The following ESRRG variants were observed in gnomAD, a reference collection of about 807,000 sequenced individuals.
The protein encoded by ESRRG is estrogen-related receptor gamma.
Under a neutral mutation model 44.0 loss-of-function variants are expected in ESRRG, and 13 were observed. That is an observed-to-expected ratio of 0.30 (90% confidence interval 0.19 to 0.47). The LOEUF (loss-of-function observed/expected upper bound fraction) is 0.47, where lower values mean the gene tolerates loss of function less well. Among genes scored for constraint, ESRRG ranks in the 20% least tolerant of loss-of-function variants. The pLI, the probability that ESRRG is intolerant of heterozygous loss-of-function variation, is 1.00. For missense variants in ESRRG, 395 were observed against 580.6 expected (o/e 0.68, Z 3.29); for synonymous variants, 215 against 214.6 (o/e 1.00, Z -0.02).
chr1:217,026,870 C>T (rs541153621), intron 1 of ESRRG, among the ~76,000 whole-genome samples: 2 of 143,606 alleles, frequency 1.4e-5, no homozygotes, highest in South Asian at 2.2e-4. Context: ...CCCGACCACA[C>T]ACATATACAC....
chr1:216,720,988 G>T (rs889848503), intron 1 of ESRRG, among the ~76,000 whole-genome samples: 1 of 152,094 alleles, frequency 6.6e-6, no homozygotes, highest in Admixed American at 6.5e-5. Flanking sequence ...AGGTTGAAAG[G>T]GATTCATGTG....
chr1:216,816,391 G>T (rs899346523), intron 2 of ESRRG, among the ~76,000 whole-genome samples: 1 of 152,114 alleles, frequency 6.6e-6, no homozygotes, highest in Admixed American at 6.6e-5. Flanking sequence ...AAAACATGTT[G>T]TGCCCAATAA....
chr1:217,058,781 G>A (rs1018709070), intron 1 of ESRRG, among the ~76,000 whole-genome samples: 21 of 151,468 alleles, frequency 1.4e-4, no homozygotes, highest in Admixed American at 8.6e-4. Context: ...GAAGGAAGGC[G>A]ATCTAACTGT....
At chr1:216,757,034 G>A (rs767931503) in intron 2 of ESRRG, among the ~76,000 whole-genome samples, 1 of 151,832 alleles carries the variant, frequency 6.6e-6, no homozygotes, top group Non-Finnish European at 1.5e-5. Context: ...TCCTCATAAA[G>A]GCATTTCCAC....
At chr1:216,668,383 C>T (rs2074433112) in intron 2 of ESRRG, among the ~76,000 whole-genome samples, 1 of 152,060 alleles carries the variant, frequency 6.6e-6, no homozygotes, top group Admixed American at 6.6e-5. Flanking sequence ...GAAAATATAC[C>T]CTACAAATCA....
intron 2 of ESRRG, among the ~76,000 whole-genome samples, chr1:216,792,169 A>G (rs1388245926): frequency 6.6e-6 from 1 of 152,172 alleles, no homozygotes; most frequent in Non-Finnish European, 1.5e-5. Flanking sequence ...ATACATAATA[A>G]CAAGAAGCAT....
At position 216,519,354 on chromosome 1, in the gene ESRRG, G is replaced by T. The variant is rs774686546; in HGVS notation, c.930C>A (p.Ile310=). 2 of 1,613,556 alleles carry T rather than the reference G, an allele frequency of 1.2e-6. No individual in the cohort carries two copies. The highest frequency in any genetic ancestry group is 1.7e-6 in the Non-Finnish European group (2 of 1,179,730). The change falls in exon 6 of 7, where the codon ATC becomes ATA. Residue 310 remains isoleucine (I), a synonymous_variant. Coordinates refer to ENST00000408911, the MANE Select transcript of ESRRG (RefSeq NM_001438.4). ...AAAGAGACCGGTATACGACACCAAG[G>T]ATCAAAATTTCCATCCAAGCACTCT... ...LLQSAWMEIL[I]LGVVYRSLSF... is the part of the protein sequence containing the mutation.
chr1:217,090,274 A>C (rs4272688), upstream of ESRRG, among the ~76,000 whole-genome samples: 1 of 151,852 alleles, frequency 6.6e-6, no homozygotes, highest in Non-Finnish European at 1.5e-5. Flanking sequence ...ACCGTCACCA[A>C]TCCCCGCCTG....
In ESRRG at chr1:216,697,019, G is replaced by A. The variant is rs561145989; in HGVS notation, c.57-19528C>T. Among the ~76,000 whole-genome samples the A allele has an allele frequency of 4.6e-5, 7 of 151,504 alleles. No individual in the cohort carries two copies. The East Asian group carries it at 7.8e-4, about 17-fold the overall frequency. ...CTCACTCTGTTGCCCGGGCCAGAGT[G>A]CAGTGGCATGATCCTGGCTCACTGC... On this transcript the variant is annotated intron_variant, in intron 1 of 6. Transcript: ENST00000408911.
chr1:216,779,206 TATAAATATATATTTATATTTATAA>T (rs1470106853), intron 2 of ESRRG, among the ~76,000 whole-genome samples: 13,118 of 88,580 alleles, frequency 0.15, 1,967 homozygotes, highest in East Asian at 0.25. Context: ...TATTTATAAA[TATAAATATATATTTATATTTATAA>T]ATATAAATAT....
intron 1 of ESRRG, among the ~76,000 whole-genome samples, chr1:217,071,666 A>G (rs12402289): frequency 0.16 from 24,959 of 152,200 alleles, 2,647 homozygotes; most frequent in Non-Finnish European, 0.24. Context: ...GCCCCATCAA[A>G]TAGCTTGGAG....
chr1:216,729,708 AGG>A (rs2088321135), intron 2 of ESRRG, among the ~76,000 whole-genome samples: 1 of 152,186 alleles, frequency 6.6e-6, no homozygotes, highest in South Asian at 2.1e-4. Context: ...ACCAGAAAGA[AGG>A]GGAGAGAGAA....
Position 216,876,465 on chromosome 1 carries a change from A to G in ESRRG, c.-14+63117T>C, listed in dbSNP as rs4271275. ...GCCTGTTATAATGTCAGAAACTTCC[A>G]GTATAATTCCCATTTGTCTTAAAGA... On this transcript the variant is annotated intron_variant, in intron 2 of 7. Coordinates refer to the ESRRG transcript ENST00000359162. Among the ~76,000 whole-genome samples, 242 of 152,310 alleles carry G rather than the reference A, an allele frequency of 1.6e-3. 1 individual carries two copies. The highest frequency in any genetic ancestry group is 5.5e-3 in the African/African-American group (229 of 41,560).
At chr1:217,077,106 G>C (rs2091370915) in intron 1 of ESRRG, among the ~76,000 whole-genome samples, 1 of 152,118 alleles carries the variant, frequency 6.6e-6, no homozygotes, top group Non-Finnish European at 1.5e-5. Context: ...CTGCTCTCCT[G>C]GCTCATTTGT....
At chr1:216,904,819 G>A (rs142670386) in intron 2 of ESRRG, among the ~76,000 whole-genome samples, 179 of 152,242 alleles carry the variant, frequency 1.2e-3, no homozygotes, top group African/African-American at 4.1e-3. Flanking sequence ...TCTGGGGTTC[G>A]AAGAGGTTGC....
intron 3 of ESRRG, among the ~76,000 whole-genome samples, chr1:216,590,670 C>G (rs2149991486): frequency 6.6e-6 from 1 of 152,106 alleles, no homozygotes; most frequent in Middle Eastern, 3.4e-3. Flanking sequence ...GCCAAAAAGA[C>G]TGAGTATTAT....
rs570683509 is a variant in ESRRG at position 216,801,756 on chromosome 1, T to A, written c.-13-124265A>T. The stretch of plus-strand genomic sequence containing the variant: ...CTGTCCTCTTTGGGAAAATGTATAT[T>A]CAGGTCCTTTACCCATTCTTTTAAA... On this transcript the variant is annotated intron_variant, in intron 2 of 7. Transcript: ENST00000359162. Among the ~76,000 whole-genome samples the A allele has an allele frequency of 2.6e-5, 4 of 152,312 alleles. No individual in the cohort carries two copies. In the South Asian group the frequency reaches 8.3e-4, roughly 32 times the overall value.
rs191987438 is a variant in ESRRG, at chr1:216,780,453, A to G, written c.-13-102962T>C. On this transcript the variant is annotated intron_variant, in intron 2 of 7. Transcript: ENST00000359162. ...GATTGGAACAATTTCTCATGGAATC[A>G]TACATATTTAGATATGGAATAAGAG... Among the ~76,000 whole-genome samples, 3 of 152,196 alleles carry G rather than the reference A, an allele frequency of 2.0e-5. No individual in the cohort carries two copies. In the East Asian group the frequency reaches 5.8e-4, roughly 29 times the overall value.
intron 1 of ESRRG, among the ~76,000 whole-genome samples, chr1:216,718,113 C>T (rs12062617): frequency 0.019 from 2,894 of 151,962 alleles, 87 homozygotes; most frequent in African/African-American, 0.066. Context: ...ACCTGTCTAA[C>T]ACACAGTAGT....
Sources: gnomAD v4.1 joint callset for allele counts (sites outside exome capture counted in the v4.1 genomes callset) on GRCh38, gnomAD v4.1.1 for gene constraint, MANE v1.5 for transcripts, NCBI Gene and HGNC (gene_info 2026-07-23, HGNC 2026-07-21) for gene names.